ITGB3BP: variants seen among roughly 807,000 people sequenced by gnomAD.
ITGB3BP encodes integrin subunit beta 3 binding protein.
In ITGB3BP, 27 loss-of-function variants were observed where a neutral mutation model predicts 29.1. That is an observed-to-expected ratio of 0.93 (90% CI 0.68 to 1.28). The LOEUF (loss-of-function observed/expected upper bound fraction) is 1.28, where lower values mean the gene tolerates loss of function less well. Among genes scored for constraint, ITGB3BP ranks in the 50% most tolerant of loss-of-function variants. ITGB3BP has a pLI of 0.00. For missense variants in ITGB3BP, 192 were observed against 200.2 expected (o/e 0.96, Z 0.25); for synonymous variants, 61 against 61.4 (o/e 0.99, Z 0.03).
intron 3 of ITGB3BP, among the ~76,000 whole-genome samples, chr1:63,487,707 C>A (rs1645558183): frequency 6.6e-6 from 1 of 152,072 alleles, no homozygotes; most frequent in African/African-American, 2.4e-5. Flanking sequence ...TATAATCTTA[C>A]AGGACCATCA....
chr1:63,510,101 A>G, intron 1 of ITGB3BP: 1 of 633,886 alleles, frequency 1.6e-6, no homozygotes, highest in Non-Finnish European at 2.9e-6. Context: ...GAGGCAGGAG[A>G]ATCGCTTGAA....
intron 7 of ITGB3BP, among the ~76,000 whole-genome samples, chr1:63,448,251 G>C (rs1199560936): frequency 2.7e-5 from 4 of 149,126 alleles, no homozygotes; most frequent in Non-Finnish European, 4.5e-5. Context: ...AATGGGTGCA[G>C]CACACCAGCA....
upstream of ITGB3BP, chr1:63,525,492 C>A: frequency 1.8e-6 from 2 of 1,132,824 alleles, no homozygotes; most frequent in South Asian, 2.3e-5. Context: ...GATTCTCCTC[C>A]CTGTATTTGA....
At chr1:63,526,677 A>G (rs1355320152), upstream of ITGB3BP, among the ~76,000 whole-genome samples, 3 of 152,270 alleles carry the variant, frequency 2.0e-5, no homozygotes, top group Non-Finnish European at 4.4e-5. Context: ...TTTGATTTAC[A>G]TAATTTTAAA....
intron 4 of ITGB3BP, among the ~76,000 whole-genome samples, chr1:63,465,896 T>C (rs890145379): frequency 1.3e-5 from 2 of 152,148 alleles, no homozygotes; most frequent in African/African-American, 4.8e-5. Context: ...TTAAATTTTT[T>C]TTTTAAGATT....
chr1:63,491,032 G>A (rs1275026845), intron 2 of ITGB3BP, among the ~76,000 whole-genome samples: 2 of 151,978 alleles, frequency 1.3e-5, no homozygotes, highest in Non-Finnish European at 2.9e-5. Flanking sequence ...GTTACCTACA[G>A]CTTCAGTCAC....
chr1:63,485,735 C>G (rs987137479), intron 3 of ITGB3BP, among the ~76,000 whole-genome samples: 3 of 151,968 alleles, frequency 2.0e-5, no homozygotes, highest in Admixed American at 6.6e-5. Context: ...AAAAACTCAA[C>G]TGTGATTCTT....
chr1:63,509,007 G>A (rs1428335711), intron 1 of ITGB3BP, among the ~76,000 whole-genome samples: 1 of 152,150 alleles, frequency 6.6e-6, no homozygotes, highest in East Asian at 1.9e-4. Context: ...GGTGTTAAAG[G>A]TATGAGCATG....
chr1:63,482,132 G>A (rs370148392), intron 3 of ITGB3BP, among the ~76,000 whole-genome samples: 2 of 151,574 alleles, frequency 1.3e-5, no homozygotes, highest in East Asian at 1.9e-4. Flanking sequence ...AATTACCCGC[G>A]CCTGGTGGTG....
chr1:63,452,622 T>C (rs1249974255), intron 7 of ITGB3BP, among the ~76,000 whole-genome samples: 1 of 52,352 alleles, frequency 1.9e-5, no homozygotes, highest in African/African-American at 5.1e-5. Flanking sequence ...TTTTTTCTTT[T>C]TCTTTTCTTT....
At chr1:63,503,012 C>T (rs1645978042) in intron 2 of ITGB3BP, among the ~76,000 whole-genome samples, 1 of 152,160 alleles carries the variant, frequency 6.6e-6, no homozygotes, top group East Asian at 1.9e-4. Context: ...GATTTATAAT[C>T]CTTTGGGGTA....
chr1:63,444,793 A>G (rs1374834331), intron 8 of ITGB3BP, among the ~76,000 whole-genome samples: 1 of 152,000 alleles, frequency 6.6e-6, no homozygotes. Flanking sequence ...TGGCAAGAGC[A>G]CAGGCACTGG....
chr1:63,491,678 T>G (rs917879285), intron 2 of ITGB3BP, among the ~76,000 whole-genome samples: 5 of 151,980 alleles, frequency 3.3e-5, no homozygotes, highest in African/African-American at 1.2e-4. Flanking sequence ...CAAAAAAAAT[T>G]TTTTTACAGT....
chr1:63,487,571 T>C (rs189121316), intron 3 of ITGB3BP, among the ~76,000 whole-genome samples: 5 of 152,226 alleles, frequency 3.3e-5, no homozygotes, highest in Admixed American at 3.3e-4. Context: ...TATAGCCTAT[T>C]GCTCCTAGTC....
At chr1:63,481,744 C>T (rs1221908893) in intron 3 of ITGB3BP, among the ~76,000 whole-genome samples, 3 of 152,180 alleles carry the variant, frequency 2.0e-5, no homozygotes, top group Non-Finnish European at 2.9e-5. Context: ...GTGATGACAA[C>T]GGCTAACACA....
At chr1:63,473,388 G>T (rs1343946059) in intron 4 of ITGB3BP, among the ~76,000 whole-genome samples, 1 of 149,008 alleles carries the variant, frequency 6.7e-6, no homozygotes, top group African/African-American at 2.5e-5. Flanking sequence ...CCGTCCGGGA[G>T]GTGAGGGGCT....
chr1:63,501,923 T>C (rs933247590), intron 2 of ITGB3BP, among the ~76,000 whole-genome samples: 3 of 151,704 alleles, frequency 2.0e-5, no homozygotes, highest in South Asian at 2.1e-4. Context: ...GATATCTATA[T>C]ATAAATCAGC....
At chr1:63,496,604 G>T (rs1645794131) in intron 2 of ITGB3BP, among the ~76,000 whole-genome samples, 1 of 152,138 alleles carries the variant, frequency 6.6e-6, no homozygotes, top group South Asian at 2.1e-4. Flanking sequence ...GCTGCTCCAG[G>T]TCTGCAAAGC....
intron 4 of ITGB3BP, among the ~76,000 whole-genome samples, chr1:63,473,084 G>A (rs1418500258): frequency 2.6e-5 from 4 of 151,774 alleles, no homozygotes; most frequent in Admixed American, 6.6e-5. Flanking sequence ...GTCTCTGCCC[G>A]GCCGCCCATC....
Sources: allele counts gnomAD v4.1 joint callset (sites outside exome capture counted in the v4.1 genomes callset), GRCh38; gene constraint gnomAD v4.1.1; transcripts MANE v1.5; gene names NCBI Gene and HGNC (gene_info 2026-07-23, HGNC 2026-07-21).